Variants in PTPRK observed in about 807,000 individuals in gnomAD.
PTPRK encodes protein tyrosine phosphatase receptor type K.
In PTPRK, 75 loss-of-function variants were observed where a neutral mutation model predicts 178.0. The ratio of observed to expected loss-of-function variants is 0.42; its 90% CI spans 0.35 to 0.51. PTPRK has a LOEUF of 0.51. Ranked by LOEUF, PTPRK falls within the 20% of genes least tolerant of loss-of-function variation. PTPRK has a pLI of 0.02. For missense variants in PTPRK, 1,441 were observed against 1,797.8 expected, an observed-to-expected ratio of 0.80 and a Z score of 3.59; for synonymous variants, 637 against 620.6, an observed-to-expected ratio of 1.03 and a Z score of -0.39.
intron 27 of PTPRK, 111 bp downstream of exon 27, chr6:127,976,546 G>T (rs764886082): frequency 8.6e-6 from 11 of 1,277,374 alleles, no homozygotes; most frequent in Non-Finnish European, 1.2e-5. Flanking sequence ...TGAGGTGGAT[G>T]ATATAGTGCT....
intron 7 of PTPRK, among the ~76,000 whole-genome samples, chr6:128,096,482 G>T (rs1242606984): frequency 2.0e-5 from 3 of 152,142 alleles, no homozygotes; most frequent in African/African-American, 7.2e-5. Context: ...TGAAAGAGTT[G>T]TGAAAACAAA....
chr6:128,253,158 A>T lies in PTPRK; in HGVS notation c.496-10556T>A, dbSNP rs564470559. Among the ~76,000 whole-genome samples, 29 of 152,328 alleles carry T rather than the reference A, an allele frequency of 1.9e-4. No homozygotes were observed. In the South Asian group the frequency reaches 5.2e-3, roughly 27 times the overall value. ...ATATGAAACTCAGAAATAAAATTGAAATAGGACCCACTATTCATGGCTCAG... is the reference window on the plus strand; with the variant it reads ...ATATGAAACTCAGAAATAAAATTGATATAGGACCCACTATTCATGGCTCAG... On this transcript the variant is annotated intron_variant, in intron 3 of 29. Coordinates refer to ENST00000368226, the MANE Select transcript of PTPRK (RefSeq NM_002844.4).
intron 3 of PTPRK, among the ~76,000 whole-genome samples, chr6:128,254,399 T>C (rs760461974): frequency 1.3e-5 from 2 of 152,110 alleles, no homozygotes; most frequent in African/African-American, 2.4e-5. Context: ...TAACAAACAA[T>C]ACGTTTGACA....
intron 9 of PTPRK, 76 bp from the exon 10 acceptor site, chr6:128,082,714 G>C (rs928545754): frequency 2.0e-5 from 23 of 1,164,330 alleles, no homozygotes; most frequent in Admixed American, 7.8e-5. Context: ...TATAAATAAG[G>C]TAGTATGCAA....
chr6:128,445,179 C>T (rs73589587), intron 1 of PTPRK, among the ~76,000 whole-genome samples: 2,122 of 128,216 alleles, frequency 0.017, 50 homozygotes, highest in African/African-American at 0.064. Context: ...AATAGCAAGA[C>T]CCCCAACTCT....
chr6:128,084,799 A>G (rs1487257082), intron 8 of PTPRK: 1 of 152,242 alleles, frequency 6.6e-6, no homozygotes, highest in Non-Finnish European at 1.5e-5. Context: ...AATATATAGT[A>G]TCTATCCTAC....
chr6:128,163,693 TATAATAC>T (rs1391556906), intron 7 of PTPRK, among the ~76,000 whole-genome samples: 2 of 151,520 alleles, frequency 1.3e-5, no homozygotes, highest in African/African-American at 4.8e-5. Flanking sequence ...CAACAGAAAC[TATAATAC>T]ATAACTATAT....
intron 1 of PTPRK, among the ~76,000 whole-genome samples, chr6:128,455,488 A>G (rs2128408929): frequency 6.6e-6 from 1 of 152,248 alleles, no homozygotes; most frequent in African/African-American, 2.4e-5. Flanking sequence ...GTTAAAATTA[A>G]AGCATAAGCA....
intron 7 of PTPRK, among the ~76,000 whole-genome samples, chr6:128,161,292 A>C (rs1237667623): frequency 6.6e-6 from 1 of 151,632 alleles, no homozygotes; most frequent in Non-Finnish European, 1.5e-5. Context: ...GCATTACTGA[A>C]AGTTCATGTT....
chr6:128,078,504 C>A (rs1352677853), intron 11 of PTPRK, among the ~76,000 whole-genome samples: 5 of 151,836 alleles, frequency 3.3e-5, no homozygotes, highest in Non-Finnish European at 7.4e-5. Flanking sequence ...ACCCGTGTTT[C>A]AATTACCCAC....
intron 5 of PTPRK, among the ~76,000 whole-genome samples, chr6:128,231,436 G>A (rs1019755611): frequency 1.3e-5 from 2 of 152,160 alleles, no homozygotes; most frequent in Non-Finnish European, 2.9e-5. Context: ...ATCAGCTAAA[G>A]TTTAGAGCAG....
chr6:128,064,810 T>C lies in PTPRK; in HGVS notation c.2158-16A>G. 1 of 1,560,596 alleles carries C rather than the reference T, an allele frequency of 6.4e-7. No individual in the cohort carries two copies. Among genetic ancestry groups the C allele is most frequent in the South Asian group, 1.2e-5 (1 of 82,608 alleles). ...TTTTAGTTTCCTGATAGAGTAAAAA[T>C]GAAAAAAAAAAGAGTCAATGTACAG... is the stretch of plus-strand genomic sequence containing the variant. On this transcript the variant is annotated splice_polypyrimidine_tract_variant and intron_variant, in intron 12 of 29. Transcript: ENST00000368226.
chr6:128,488,644 A>G (rs973652157), intron 1 of PTPRK, among the ~76,000 whole-genome samples: 1 of 152,206 alleles, frequency 6.6e-6, no homozygotes, highest in African/African-American at 2.4e-5. Context: ...GGATAATTAC[A>G]TTCCAAAATT....
At position 128,470,259 on chromosome 6, in the gene PTPRK, C is replaced by CATATAT. The variant is rs34303350; in HGVS notation, c.100+49994_100+49999dup. 5.4e-3 allele frequency among the ~76,000 whole-genome samples: 795 copies of CATATAT among 147,878 alleles called. 10 individuals carry two copies. The highest frequency in any genetic ancestry group is 0.019 in the African/African-American group (760 of 40,096). ...TTATTCATCCTTGGGTCTCAGTTTT[C>CATATAT]ATATATATATATATATATGAGTTTA... On this transcript the variant is annotated intron_variant, in intron 1 of 29. Coordinates refer to ENST00000368226, the MANE Select transcript of PTPRK (RefSeq NM_002844.4).
At chr6:128,336,976 C>A (rs1831017314) in intron 2 of PTPRK, among the ~76,000 whole-genome samples, 1 of 152,114 alleles carries the variant, frequency 6.6e-6, no homozygotes, top group East Asian at 1.9e-4. Flanking sequence ...CCTTGCCATG[C>A]TAACTTGCCA....
At chr6:128,502,659 A>T (rs1334756351) in intron 1 of PTPRK, among the ~76,000 whole-genome samples, 1 of 152,244 alleles carries the variant, frequency 6.6e-6, no homozygotes, top group Non-Finnish European at 1.5e-5. Flanking sequence ...GTTATTAGTC[A>T]CAACCATTAT....
At chr6:128,410,094 C>A (rs1480521991) in intron 1 of PTPRK, among the ~76,000 whole-genome samples, 2 of 152,102 alleles carry the variant, frequency 1.3e-5, no homozygotes, top group Non-Finnish European at 2.9e-5. Flanking sequence ...TTTACTCAGA[C>A]CAAGAAGGTA....
intron 1 of PTPRK, among the ~76,000 whole-genome samples, chr6:128,518,417 TA>T (rs1345990663): frequency 3.3e-5 from 5 of 152,308 alleles, no homozygotes; most frequent in African/African-American, 1.2e-4. Flanking sequence ...AAATAACATT[TA>T]AAAAGAGAAA....
chr6:128,117,089 T>C (rs1415323478), intron 7 of PTPRK, among the ~76,000 whole-genome samples: 1 of 151,592 alleles, frequency 6.6e-6, no homozygotes. Context: ...GAGGTTGCAG[T>C]GAGCCGAGAT....
Sources: allele counts gnomAD v4.1 joint callset (sites outside exome capture counted in the v4.1 genomes callset), GRCh38; gene constraint gnomAD v4.1.1; transcripts MANE v1.5; gene names NCBI Gene and HGNC (gene_info 2026-07-23, HGNC 2026-07-21).